Variants in RAB2A observed in about 807,000 individuals in gnomAD.
RAB2A encodes RAB2A, member RAS oncogene family, also known as ras-related protein Rab-2A.
Under a neutral mutation model 32.5 loss-of-function variants are expected in RAB2A, and 7 were observed. The ratio of observed to expected loss-of-function variants is 0.22; its 90% CI spans 0.12 to 0.40. The LOEUF (loss-of-function observed/expected upper bound fraction) is 0.40, where lower values mean the gene tolerates loss of function less well. RAB2A is among the 10% of genes least tolerant of loss of function. RAB2A has a pLI of 1.00. For synonymous variants in RAB2A, 79 were observed against 85.2 expected, an observed-to-expected ratio of 0.93 and a Z score of 0.40; for missense variants, 108 against 260.7, an observed-to-expected ratio of 0.41 and a Z score of 4.03.
Position 60,590,276 on chromosome 8 carries a change from A to T in RAB2A, c.363-1582A>T, listed in dbSNP as rs533856443. Among the ~76,000 whole-genome samples, 150 of 150,856 alleles carry T rather than the reference A, an allele frequency of 9.9e-4. 2 individuals carry two copies. The South Asian group carries it at 0.017, about 17-fold the overall frequency. ...CACCCGGCCTATTGTTTCTTTTTTT[A>T]AAAAAAAATTCTGATTATTTCCTAC... On this transcript the variant is annotated intron_variant, in intron 5 of 7. Coordinates refer to ENST00000262646, the MANE Select transcript of RAB2A (RefSeq NM_002865.3).
Position 60,552,001 on chromosome 8 carries a change from G to GTTTTTTTGTTTTTT in RAB2A, c.47-6844_47-6843insGTTTTTTTTTTTTT, listed in dbSNP as rs1554553376. 14 of 109,744 alleles carry GTTTTTTTGTTTTTT rather than the reference G, an allele frequency of 1.3e-4. 1 individual carries two copies. In the East Asian group the frequency reaches 3.9e-3, roughly 31 times the overall value. The allele number at this position is 109,744 out of a possible 1,614,324, so 6.8% of individuals were successfully genotyped here. ...GCCTCAGCCTCTTGAGTAGCTGGGAGTTTTTTTTTTTTTTTTTTTAAGATG... is the reference window on the plus strand; with the variant it reads ...GCCTCAGCCTCTTGAGTAGCTGGGAGTTTTTTTGTTTTTTTTTTTTTTTTTTTTTTTTTAAGATG... On this transcript the variant is annotated intron_variant, in intron 1 of 7. Coordinates refer to ENST00000262646, the MANE Select transcript of RAB2A (RefSeq NM_002865.3).
intron 7 of RAB2A, among the ~76,000 whole-genome samples, chr8:60,619,591 T>C (rs1422042841): frequency 6.6e-6 from 1 of 152,196 alleles, no homozygotes; most frequent in Non-Finnish European, 1.5e-5. Context: ...AGTAATATAG[T>C]TTCTAAATCC....
At chr8:60,550,892 C>G (rs914379795) in intron 1 of RAB2A, among the ~76,000 whole-genome samples, 18 of 152,240 alleles carry the variant, frequency 1.2e-4, no homozygotes, top group African/African-American at 3.9e-4. Context: ...AGGGGCATGA[C>G]TCTCCCTGCC....
intron 1 of RAB2A, among the ~76,000 whole-genome samples, chr8:60,529,218 G>A (rs761055172): frequency 2.2e-4 from 33 of 152,002 alleles, no homozygotes; most frequent in Non-Finnish European, 4.3e-4. Flanking sequence ...TTTTGTAGCC[G>A]AGTACTTGAT....
chr8:60,619,814 A>G (rs142577565), intron 7 of RAB2A, among the ~76,000 whole-genome samples: 1 of 152,322 alleles, frequency 6.6e-6, no homozygotes, highest in African/African-American at 2.4e-5. Flanking sequence ...AGGCCGTGCT[A>G]TTTATTTGGC....
chr8:60,529,423 G>T (rs975203630), intron 1 of RAB2A, among the ~76,000 whole-genome samples: 14 of 152,052 alleles, frequency 9.2e-5, no homozygotes, highest in Non-Finnish European at 1.6e-4. Flanking sequence ...GATTTTTCTT[G>T]TTCTTCTGTC....
intron 7 of RAB2A, among the ~76,000 whole-genome samples, chr8:60,620,398 C>G (rs1586120914): frequency 6.6e-6 from 1 of 152,310 alleles, no homozygotes; most frequent in Non-Finnish European, 1.5e-5. Flanking sequence ...ATGATTTCTG[C>G]ATTATGAGAA....
At chr8:60,591,113 AAAGTAAT>A (rs1000530618) in intron 5 of RAB2A, among the ~76,000 whole-genome samples, 2 of 138,342 alleles carry the variant, frequency 1.4e-5, no homozygotes, top group African/African-American at 6.1e-5. Flanking sequence ...TAATATATAA[AAAGTAAT>A]AAATATAATA....
intron 1 of RAB2A, among the ~76,000 whole-genome samples, chr8:60,554,420 T>A (rs996057211): frequency 9.8e-5 from 15 of 152,290 alleles, no homozygotes; most frequent in African/African-American, 3.6e-4. Context: ...GATTAGGAAA[T>A]ACTGAAGGAG....
intron 1 of RAB2A, among the ~76,000 whole-genome samples, chr8:60,551,581 T>A (rs1305280020): frequency 6.6e-6 from 1 of 152,254 alleles, no homozygotes; most frequent in African/African-American, 2.4e-5. Flanking sequence ...AAAAGATAAC[T>A]ACAGATGGTC....
At chr8:60,538,907 T>G (rs954633946) in intron 1 of RAB2A, among the ~76,000 whole-genome samples, 2 of 152,186 alleles carry the variant, frequency 1.3e-5, no homozygotes, top group African/African-American at 4.8e-5. Flanking sequence ...AAAATAACAC[T>G]TAAGTTTGGG....
At chr8:60,557,836 G>T (rs1807962495) in intron 1 of RAB2A, among the ~76,000 whole-genome samples, 1 of 152,066 alleles carries the variant, frequency 6.6e-6, no homozygotes, top group Non-Finnish European at 1.5e-5. Context: ...AAAGTGCTCG[G>T]ATTACAGGCT....
intron 1 of RAB2A, among the ~76,000 whole-genome samples, chr8:60,533,678 A>G (rs1327845239): frequency 6.6e-6 from 1 of 151,966 alleles, no homozygotes; most frequent in Non-Finnish European, 1.5e-5. Context: ...GAAATATAAG[A>G]TACTATTGTG....
At chr8:60,518,418 A>G (rs1401954457) in intron 1 of RAB2A, among the ~76,000 whole-genome samples, 2 of 151,916 alleles carry the variant, frequency 1.3e-5, no homozygotes, top group African/African-American at 2.4e-5. Context: ...GCACTTTCGG[A>G]GGCCGAGGTG....
chr8:60,612,687 T>G lies in RAB2A; in HGVS notation c.475-5893T>G, dbSNP rs1393570554. ...GTCTTGGGCAAGTCGTTTCTCCTTT[T>G]GCAGCTCAGTCATATCTACAAAATG... On this transcript the variant is annotated intron_variant, in intron 6 of 7. Transcript: ENST00000262646. 2.0e-5 allele frequency among the ~76,000 whole-genome samples: 3 copies of G among 152,326 alleles called. No homozygotes were observed. The East Asian group carries it at 5.8e-4, about 29-fold the overall frequency.
chr8:60,557,907 T>G (rs994364136), intron 1 of RAB2A, among the ~76,000 whole-genome samples: 1 of 152,306 alleles, frequency 6.6e-6, no homozygotes, highest in African/African-American at 2.4e-5. Context: ...TTCAAATCAG[T>G]CATTATAATT....
intron 1 of RAB2A, among the ~76,000 whole-genome samples, chr8:60,524,299 G>C (rs75968240): frequency 8.7e-4 from 132 of 152,210 alleles, no homozygotes; most frequent in African/African-American, 2.9e-3. Flanking sequence ...CAGTCAGTTT[G>C]ATGTTTTATT....
At chr8:60,555,964 C>A (rs2130828817) in intron 1 of RAB2A, among the ~76,000 whole-genome samples, 1 of 152,282 alleles carries the variant, frequency 6.6e-6, no homozygotes, top group Non-Finnish European at 1.5e-5. Flanking sequence ...ACCTAAGTGT[C>A]CAGCAGTAGA....
chr8:60,520,044 A>G (rs1586056960), intron 1 of RAB2A, among the ~76,000 whole-genome samples: 1 of 152,350 alleles, frequency 6.6e-6, no homozygotes, highest in East Asian at 1.9e-4. Flanking sequence ...CATGCATCTT[A>G]GAATGAAGGA....
Sources: gnomAD v4.1 joint callset for allele counts (sites outside exome capture counted in the v4.1 genomes callset) on GRCh38, gnomAD v4.1.1 for gene constraint, MANE v1.5 for transcripts, NCBI Gene and HGNC (gene_info 2026-07-23, HGNC 2026-07-21) for gene names.